The following COL8A1 variants were observed in gnomAD, a reference collection of about 807,000 sequenced individuals.
COL8A1 encodes collagen type VIII alpha 1 chain, also known as collagen alpha-1(VIII) chain.
In COL8A1, 21 loss-of-function variants were observed where a neutral mutation model predicts 42.7. The observed-to-expected ratio is 0.49, with a 90% CI of 0.35 to 0.71. COL8A1 has a LOEUF of 0.71. Among genes scored for constraint, COL8A1 ranks in the 30% least tolerant of loss-of-function variants. The probability of loss-of-function intolerance (pLI) is 0.01; values close to 1 mark genes in which losing one functional copy is unlikely to be tolerated. For missense variants in COL8A1, 788 were observed against 962.4 expected, an observed-to-expected ratio of 0.82 and a Z score of 2.40; for synonymous variants, 367 against 369.1, an observed-to-expected ratio of 0.99 and a Z score of 0.06.
At chr3:99,783,326 A>T (rs1941830785) in intron 2 of COL8A1, among the ~76,000 whole-genome samples, 1 of 152,230 alleles carries the variant, frequency 6.6e-6, no homozygotes, top group African/African-American at 2.4e-5. Context: ...CCATGAGGTC[A>T]TTATCTGCCT....
chr3:99,782,743 C>CA (rs1432650091), intron 2 of COL8A1, among the ~76,000 whole-genome samples: 3 of 152,044 alleles, frequency 2.0e-5, no homozygotes, highest in African/African-American at 7.3e-5. Context: ...TTCACAATTA[C>CA]AAAAAACTTT....
At chr3:99,785,717 C>A (rs1941881392) in intron 2 of COL8A1, among the ~76,000 whole-genome samples, 1 of 152,138 alleles carries the variant, frequency 6.6e-6, no homozygotes, top group East Asian at 1.9e-4. Flanking sequence ...GACACAGACA[C>A]ATGGAAGAAA....
chr3:99,672,230 C>A (rs1938568193), intron 1 of COL8A1, among the ~76,000 whole-genome samples: 1 of 152,006 alleles, frequency 6.6e-6, no homozygotes, highest in Non-Finnish European at 1.5e-5. Context: ...AGAGGTAGAA[C>A]ACCTATTCTC....
At chr3:99,672,520 T>G (rs1308648579) in intron 1 of COL8A1, among the ~76,000 whole-genome samples, 1 of 151,716 alleles carries the variant, frequency 6.6e-6, no homozygotes, top group Non-Finnish European at 1.5e-5. Context: ...TTAATAAATA[T>G]ATTTTATTTC....
At chr3:99,791,668 G>C (rs1576478646) in intron 3 of COL8A1, among the ~76,000 whole-genome samples, 1 of 152,166 alleles carries the variant, frequency 6.6e-6, no homozygotes, top group Non-Finnish European at 1.5e-5. Context: ...AAATTCATTT[G>C]GTTTGTCTGG....
In COL8A1 at chr3:99,795,966, TACG is replaced by T; in HGVS notation, c.2070_2072del (p.Asp690del). 1 of 1,614,080 alleles carries T rather than the reference TACG, an allele frequency of 6.2e-7. No individual in the cohort carries two copies. On this transcript the variant is annotated inframe_deletion, in exon 4 of 4. Coordinates refer to ENST00000652472, the MANE Select transcript of COL8A1 (RefSeq NM_020351.4). Reference sequence around the variant, plus strand: ...GAACAACGAGCCCGTGATGTACACGTACGACGAGTACAAAAAGGGCTTCCTGGA... The same window carrying T: ...GAACAACGAGCCCGTGATGTACACGTACGAGTACAAAAAGGGCTTCCTGGA...
At chr3:99,773,815 GTATATATATA>G (rs1553682062) in intron 2 of COL8A1, among the ~76,000 whole-genome samples, 2 of 35,914 alleles carry the variant, frequency 5.6e-5, no homozygotes, top group East Asian at 9.4e-4. Flanking sequence ...ATATATGTGT[GTATATATATA>G]TATATATATA....
intron 1 of COL8A1, among the ~76,000 whole-genome samples, chr3:99,732,397 C>G (rs1442320992): frequency 6.6e-6 from 1 of 152,008 alleles, no homozygotes; most frequent in Non-Finnish European, 1.5e-5. Flanking sequence ...GCTGGGGAGG[C>G]CTAAGGAAAC....
intron 1 of COL8A1, among the ~76,000 whole-genome samples, chr3:99,713,405 A>G (rs1024491073): frequency 2.0e-5 from 3 of 152,134 alleles, no homozygotes; most frequent in African/African-American, 7.2e-5. Context: ...AGAACTTGCT[A>G]GATGCCAGAT....
intron 1 of COL8A1, among the ~76,000 whole-genome samples, chr3:99,687,623 A>G (rs1939103730): frequency 6.6e-6 from 1 of 152,184 alleles, no homozygotes; most frequent in Non-Finnish European, 1.5e-5. Context: ...ATATCATCCA[A>G]TTGCTTGCAC....
chr3:99,677,317 C>A (rs1211518610), intron 1 of COL8A1, among the ~76,000 whole-genome samples: 1 of 152,042 alleles, frequency 6.6e-6, no homozygotes, highest in Non-Finnish European at 1.5e-5. Flanking sequence ...GTGTCCAAAT[C>A]TTTCTTATTC....
intron 1 of COL8A1, among the ~76,000 whole-genome samples, chr3:99,730,074 T>A (rs1374489294): frequency 6.6e-6 from 1 of 152,172 alleles, no homozygotes; most frequent in Non-Finnish European, 1.5e-5. Flanking sequence ...GGGATAAGAA[T>A]AGGCAGTTCC....
intron 2 of COL8A1, among the ~76,000 whole-genome samples, chr3:99,757,390 A>G (rs1424851602): frequency 1.3e-5 from 2 of 152,134 alleles, no homozygotes; most frequent in Admixed American, 6.5e-5. Context: ...ACAGATTTTT[A>G]TCTTAGGTTC....
At chr3:99,762,673 G>A (rs1325071025) in intron 2 of COL8A1, among the ~76,000 whole-genome samples, 1 of 152,138 alleles carries the variant, frequency 6.6e-6, no homozygotes, top group African/African-American at 2.4e-5. Flanking sequence ...TCCTAGGCTT[G>A]CACCCCAGTG....
At chr3:99,676,487 A>G (rs1198029565) in intron 1 of COL8A1, among the ~76,000 whole-genome samples, 1 of 152,150 alleles carries the variant, frequency 6.6e-6, no homozygotes, top group Non-Finnish European at 1.5e-5. Context: ...AAAAAAGAAA[A>G]TCACAAAATA....
At chr3:99,779,493 C>G (rs1218709223) in intron 2 of COL8A1, among the ~76,000 whole-genome samples, 1 of 152,158 alleles carries the variant, frequency 6.6e-6, no homozygotes, top group Non-Finnish European at 1.5e-5. Context: ...GCAGAAATGT[C>G]TTCAGTTCTC....
intron 1 of COL8A1, among the ~76,000 whole-genome samples, chr3:99,655,788 CA>C (rs1477448556): frequency 3.3e-5 from 5 of 152,178 alleles, no homozygotes; most frequent in Admixed American, 6.5e-5. Context: ...ACCTTTACTT[CA>C]TGAATAATGT....
At chr3:99,741,833 C>A (rs1940908084) in intron 1 of COL8A1, among the ~76,000 whole-genome samples, 1 of 152,186 alleles carries the variant, frequency 6.6e-6, no homozygotes, top group Non-Finnish European at 1.5e-5. Flanking sequence ...CTCAATTGGT[C>A]AGTTCATAAG....
rs547662111 is a variant in COL8A1, at chr3:99,711,506, G to T, written c.-128-33391G>T. ...TCTGCAAAACCAATGTCAGTTCCAGGTTCCTATTCTGGTGTTGAACCAATC... is the reference window on the plus strand; with the variant it reads ...TCTGCAAAACCAATGTCAGTTCCAGTTTCCTATTCTGGTGTTGAACCAATC... On this transcript the variant is annotated intron_variant, in intron 1 of 3. Coordinates refer to ENST00000652472, the MANE Select transcript of COL8A1 (RefSeq NM_020351.4). 2.0e-5 allele frequency among the ~76,000 whole-genome samples: 3 copies of T among 152,192 alleles called. No homozygotes were observed. The East Asian group carries it at 5.8e-4, about 29-fold the overall frequency.
Sources: gnomAD v4.1 joint callset for allele counts (sites outside exome capture counted in the v4.1 genomes callset) on GRCh38, gnomAD v4.1.1 for gene constraint, MANE v1.5 for transcripts, NCBI Gene and HGNC (gene_info 2026-07-23, HGNC 2026-07-21) for gene names.